ATCAY: variants seen among roughly 807,000 people sequenced by gnomAD.
The protein encoded by ATCAY is caytaxin.
A neutral mutation model predicts 47.7 loss-of-function variants in ATCAY; 22 were observed. The observed-to-expected ratio is 0.46, with a 90% CI of 0.33 to 0.66. The LOEUF is 0.66. Among genes scored for constraint, ATCAY ranks in the 30% least tolerant of loss-of-function variants. The probability of loss-of-function intolerance (pLI) is 0.02; values close to 1 mark genes in which losing one functional copy is unlikely to be tolerated. For synonymous variants in ATCAY, 216 were observed against 207.6 expected (o/e 1.04, Z -0.35); for missense variants, 452 against 515.0 (o/e 0.88, Z 1.18).
At chr19:3,891,818 G>A (rs557911735) in intron 2 of ATCAY, among the ~76,000 whole-genome samples, 13 of 152,232 alleles carry the variant, frequency 8.5e-5, no homozygotes, top group South Asian at 8.3e-4. Context: ...TCCCCTCACA[G>A]CTGAGTGGCT....
intron 6 of ATCAY, among the ~76,000 whole-genome samples, chr19:3,908,715 C>CCCCCTCTTCCCCTTCCCT (rs1599290023): frequency 1.9e-5 from 2 of 107,324 alleles, no homozygotes; most frequent in East Asian, 3.2e-4. Context: ...TCCCTTTTCT[C>CCCCCTCTTCCCCTTCCCT]CTCCTCCTCC....
intron 8 of ATCAY, among the ~76,000 whole-genome samples, chr19:3,913,109 G>A (rs1460272742): frequency 1.3e-5 from 2 of 152,158 alleles, no homozygotes; most frequent in East Asian, 1.9e-4. Flanking sequence ...CCAACATGAT[G>A]AAACCCCATC....
At chr19:3,888,530 T>C (rs2038684875) in intron 2 of ATCAY, among the ~76,000 whole-genome samples, 1 of 151,930 alleles carries the variant, frequency 6.6e-6, no homozygotes, top group African/African-American at 2.4e-5. Context: ...CTCAGGAGGC[T>C]GAGGCAGGAA....
chr19:3,899,776 C>T (rs1288062534), intron 2 of ATCAY, among the ~76,000 whole-genome samples: 1 of 152,100 alleles, frequency 6.6e-6, no homozygotes, highest in African/African-American at 2.4e-5. Context: ...CCTCTGGCAG[C>T]CCCGTGCAAA....
chr19:3,918,991 T>C, intron 11 of ATCAY, 114 bp downstream of exon 11: 2 of 1,314,846 alleles, frequency 1.5e-6, no homozygotes, highest in East Asian at 4.9e-5. Flanking sequence ...AAAATGGAAC[T>C]AAGTGGCCGG....
chr19:3,906,180 A>AG (rs2038858916), intron 4 of ATCAY, among the ~76,000 whole-genome samples: 4 of 144,392 alleles, frequency 2.8e-5, no homozygotes, highest in Non-Finnish European at 6.3e-5. Flanking sequence ...CAAAAAAAAA[A>AG]AAAAAGAGAG....
At position 3,920,868 on chromosome 19, in the gene ATCAY, T is replaced by G. The variant is rs371295813; in HGVS notation, c.1106+70T>G. The G allele has an allele frequency of 5.3e-4, 835 of 1,572,248 alleles. 10 individuals carry two copies. In the South Asian group the frequency reaches 8.5e-3, roughly 16 times the overall value. On this transcript the variant is annotated intron_variant, in intron 12 of 12. Transcript: ENST00000450849. ...CTTCATGGACCTGTATTAGTCAGGG[T>G]TCTCTAGAAGGACAGAAAATCAAAC...
intron 2 of ATCAY, chr19:3,895,131 G>C (rs1193523202): frequency 2.2e-6 from 1 of 455,930 alleles, no homozygotes; most frequent in Non-Finnish European, 4.4e-6. Context: ...CTCAAGCCAG[G>C]AATTGCTTTG....
At chr19:3,900,895 C>CTTTTTTTT (rs59395284) in intron 2 of ATCAY, among the ~76,000 whole-genome samples, 1 of 92,252 alleles carries the variant, frequency 1.1e-5, no homozygotes. Flanking sequence ...TATCCTTCAT[C>CTTTTTTTT]TTTTTTTTTT....
At position 3,908,377 on chromosome 19, in the gene ATCAY, C is replaced by T; in HGVS notation, c.647+7C>T. On this transcript the variant is annotated splice_region_variant and intron_variant, in intron 6 of 12. Transcript: ENST00000450849. ...TCATGGAGAACCTCTTCCTGTGAGT[C>T]CCCGCCCGCGGCGAGCAGCCTCGGG... The T allele has an allele frequency of 6.3e-7, 1 of 1,577,912 alleles. No homozygotes were observed. The highest frequency in any genetic ancestry group is 8.6e-7 in the Non-Finnish European group (1 of 1,161,342).
intron 2 of ATCAY, among the ~76,000 whole-genome samples, chr19:3,894,391 G>A (rs2145229749): frequency 6.6e-6 from 1 of 151,562 alleles, no homozygotes; most frequent in African/African-American, 2.4e-5. Context: ...GGCTGAGGCA[G>A]GAGAATGGCG....
chr19:3,907,711 G>A lies in ATCAY; in HGVS notation c.359-23G>A, dbSNP rs200958187. 1.8e-5 allele frequency: 29 copies of A among 1,613,242 alleles called. No homozygotes were observed. In the Admixed American group the frequency reaches 2.2e-4, roughly 12 times the overall value. ...GATATCCGGACTCTGGCGTCCATGC[G>A]ACTCTCCGCCACCTGCTTCTAGACG... On this transcript the variant is annotated intron_variant, in intron 4 of 12. Transcript: ENST00000450849. This position sits in a 1 kb window ranked among gnomAD's most constrained non-coding sequence, Gnocchi z 5.1.
chr19:3,888,540 A>G (rs1021593220), intron 2 of ATCAY, among the ~76,000 whole-genome samples: 3 of 151,662 alleles, frequency 2.0e-5, no homozygotes, highest in Admixed American at 1.3e-4. Context: ...TGAGGCAGGA[A>G]AACTGCTGGA....
intron 2 of ATCAY, among the ~76,000 whole-genome samples, chr19:3,891,183 C>A (rs576241313): frequency 1.6e-4 from 24 of 152,118 alleles, no homozygotes; most frequent in African/African-American, 5.8e-4. Context: ...TCCCAAGTAG[C>A]TGGGATTACA....
rs184177996 is a variant in ATCAY, at chr19:3,883,104, C to T, written c.-42+2096C>T. 9.2e-4 allele frequency among the ~76,000 whole-genome samples: 140 copies of T among 152,020 alleles called. 2 individuals are homozygous for T. In the East Asian group the frequency reaches 0.021, roughly 23 times the overall value. The stretch of plus-strand genomic sequence containing the variant: ...GCTTTAAAAAGTGGATCTAGTGGCC[C>T]GGCAGGGTGGCTCACACCTGTAATC... On this transcript the variant is annotated intron_variant, in intron 1 of 12. Transcript: ENST00000450849.
intron 3 of ATCAY, 52 bp from the exon 4 acceptor site, chr19:3,905,382 A>T: frequency 6.7e-7 from 1 of 1,489,626 alleles, no homozygotes. Flanking sequence ...AATGGGGGGA[A>T]GGTAAAAGAG....
In ATCAY at chr19:3,907,812, G is replaced by T; in HGVS notation, c.437G>T (p.Gly146Val). The change falls in exon 5 of 13, where the codon GGC becomes GTC. Residue 146 changes from glycine to valine, a missense_variant. Gly to Val is a moderately radical substitution (Grantham distance 109, BLOSUM62 -3). Transcript: ENST00000450849. The surrounding 1 kb of genome is among the most constrained non-coding windows in gnomAD (Gnocchi z 5.1). ...DLFGDGTTED[G>V]SAANGRLWRT... ...TTTGGGGACGGCACGACGGAGGACG[G>T]CAGCGCCGCCAACGGGCGCCTGTGG... 6.2e-7 allele frequency: 1 copy of T among 1,613,994 alleles called. No homozygotes were observed. Among genetic ancestry groups the T allele is most frequent in the Non-Finnish European group, 8.5e-7 (1 of 1,179,866 alleles).
At chr19:3,884,245 C>T (rs190482672) in intron 1 of ATCAY, among the ~76,000 whole-genome samples, 39 of 152,066 alleles carry the variant, frequency 2.6e-4, no homozygotes, top group African/African-American at 8.0e-4. Flanking sequence ...TGGGATCACA[C>T]CACTGCACTC....
intron 6 of ATCAY, 110 bp downstream of exon 6, chr19:3,908,480 AC>A: frequency 9.6e-7 from 1 of 1,039,290 alleles, no homozygotes; most frequent in East Asian, 2.6e-5. Context: ...CCTGCCTGGC[AC>A]CAGGGAAGGG....
Sources: gnomAD v4.1 joint callset for allele counts (sites outside exome capture counted in the v4.1 genomes callset) on GRCh38, gnomAD v4.1.1 for gene constraint, Gnocchi (gnomAD v3.1) non-coding constraint, MANE v1.5 for transcripts, NCBI Gene and HGNC (gene_info 2026-07-23, HGNC 2026-07-21) for gene names.